GLIS3: variants seen among roughly 807,000 people sequenced by gnomAD.
GLIS3 encodes GLIS family zinc finger 3, also known as zinc finger protein GLIS3.
A neutral mutation model predicts 78.6 loss-of-function variants in GLIS3; 53 were observed. That is an observed-to-expected ratio of 0.67 (90% confidence interval 0.54 to 0.85). The LOEUF is 0.85. Ranked by LOEUF, GLIS3 falls within the 40% of genes least tolerant of loss-of-function variation. The probability of loss-of-function intolerance (pLI) is 0.00; values close to 1 mark genes in which losing one functional copy is unlikely to be tolerated. For missense variants in GLIS3, 1,703 were observed against 1,231.1 expected (o/e 1.38, Z -5.74); for synonymous variants, 684 against 509.9 (o/e 1.34, Z -4.60).
chr9:4,108,274 G>A (rs531664229), intron 4 of GLIS3, among the ~76,000 whole-genome samples: 22 of 152,234 alleles, frequency 1.4e-4, no homozygotes, highest in African/African-American at 5.3e-4. Flanking sequence ...CCAGCACACT[G>A]AATCTTTTCT....
intron 2 of GLIS3, among the ~76,000 whole-genome samples, chr9:4,248,931 G>A (rs552758419): frequency 7.9e-5 from 12 of 151,914 alleles, no homozygotes; most frequent in Non-Finnish European, 1.6e-4. Context: ...TTTAGAAGGG[G>A]TGGTTATAGA....
intron 4 of GLIS3, among the ~76,000 whole-genome samples, chr9:4,095,630 G>C (rs1829876838): frequency 6.6e-6 from 1 of 152,066 alleles, no homozygotes; most frequent in Non-Finnish European, 1.5e-5. Context: ...CTGTCCTCTT[G>C]AACAAGACAA....
At chr9:4,310,047 T>C (rs1817322892) in intron 3 of GLIS3, among the ~76,000 whole-genome samples, 1 of 152,220 alleles carries the variant, frequency 6.6e-6, no homozygotes, top group Admixed American at 6.5e-5. Context: ...GACCAATTTA[T>C]CCTGAGGATG....
At chr9:4,414,224 T>C in the GLIS3 span, among the ~76,000 whole-genome samples, 3 of 152,164 alleles carry the variant, frequency 2.0e-5, no homozygotes, top group African/African-American at 4.8e-5. Flanking sequence ...TTCAGAAAAA[T>C]GTAGCAGGGA....
At chr9:3,853,270 T>G (rs932462426) in intron 9 of GLIS3, among the ~76,000 whole-genome samples, 4 of 152,150 alleles carry the variant, frequency 2.6e-5, no homozygotes, top group Non-Finnish European at 5.9e-5. Context: ...TGACAATACA[T>G]TCATTATTTA....
intron 2 of GLIS3, among the ~76,000 whole-genome samples, chr9:4,198,861 C>T (rs1378196833): frequency 6.6e-6 from 1 of 152,318 alleles, no homozygotes; most frequent in Admixed American, 6.5e-5. Flanking sequence ...TAACAGCAAA[C>T]TTCTCAGCAG....
intron 6 of GLIS3, among the ~76,000 whole-genome samples, chr9:3,905,839 C>A (rs1377237852): frequency 6.6e-6 from 1 of 152,168 alleles, no homozygotes; most frequent in Non-Finnish European, 1.5e-5. Flanking sequence ...CATTCTTCCA[C>A]TGTCATTTTT....
chr9:4,171,997 G>A (rs759336803), intron 2 of GLIS3, among the ~76,000 whole-genome samples: 1 of 151,994 alleles, frequency 6.6e-6, no homozygotes, highest in Non-Finnish European at 1.5e-5. Flanking sequence ...TGGTAGTTTG[G>A]TTTTTTTAAT....
At chr9:4,467,570 C>A in the GLIS3 span, among the ~76,000 whole-genome samples, 1 of 152,164 alleles carries the variant, frequency 6.6e-6, no homozygotes, top group Non-Finnish European at 1.5e-5. Context: ...GCTGAGGGAC[C>A]TGACTGTTAG....
chr9:4,490,434 G>T, the GLIS3 span: 2 of 272,736 alleles, frequency 7.3e-6, no homozygotes, highest in African/African-American at 4.5e-5. Context: ...CGCAGAGCGC[G>T]GCGGCAGCAG....
chr9:4,262,382 T>C (rs1195960995), intron 2 of GLIS3, among the ~76,000 whole-genome samples: 1 of 152,050 alleles, frequency 6.6e-6, no homozygotes, highest in African/African-American at 2.4e-5. Context: ...TTGGGAAGGA[T>C]GCAGGGCAGC....
chr9:4,049,595 G>A (rs138989988), intron 4 of GLIS3, among the ~76,000 whole-genome samples: 16 of 152,092 alleles, frequency 1.1e-4, no homozygotes, highest in African/African-American at 3.1e-4. Context: ...ACACACTTGC[G>A]CACACATAGG....
chr9:4,004,725 G>A (rs1339558576), intron 4 of GLIS3, among the ~76,000 whole-genome samples: 1 of 152,124 alleles, frequency 6.6e-6, no homozygotes, highest in African/African-American at 2.4e-5. Flanking sequence ...TGAAACAGAT[G>A]GAGACTAACA....
the GLIS3 span, among the ~76,000 whole-genome samples, chr9:4,380,567 T>C: frequency 1.3e-5 from 2 of 152,208 alleles, no homozygotes; most frequent in Non-Finnish European, 2.9e-5. Flanking sequence ...TTGTTAACTA[T>C]GCAGATTTCC....
the GLIS3 span, among the ~76,000 whole-genome samples, chr9:4,430,250 A>C: frequency 6.6e-6 from 1 of 152,226 alleles, no homozygotes; most frequent in African/African-American, 2.4e-5. Context: ...TCATTAATGC[A>C]TGAGAATATG....
chr9:4,067,153 CTTCT>C (rs1029190762), intron 4 of GLIS3, among the ~76,000 whole-genome samples: 5 of 128,882 alleles, frequency 3.9e-5, no homozygotes, highest in South Asian at 2.6e-4. Flanking sequence ...GACTTAGAAT[CTTCT>C]TTTATTTTTT....
chr9:4,343,296 T>G (rs1368611005), intron 2 of GLIS3, among the ~76,000 whole-genome samples: 1 of 152,196 alleles, frequency 6.6e-6, no homozygotes, highest in African/African-American at 2.4e-5. Flanking sequence ...AAGCTCTGAT[T>G]GTGCCACTGC....
At chr9:4,408,122 T>C in the GLIS3 span, among the ~76,000 whole-genome samples, 2 of 152,104 alleles carry the variant, frequency 1.3e-5, no homozygotes, top group African/African-American at 2.4e-5. Flanking sequence ...TAACAAATGC[T>C]AGCAAGAATG....
At chr9:4,108,853 C>A (rs1320908434) in intron 4 of GLIS3, among the ~76,000 whole-genome samples, 1 of 152,158 alleles carries the variant, frequency 6.6e-6, no homozygotes, top group Admixed American at 6.5e-5. Context: ...GTCCACTGAC[C>A]TGGGCCTTCA....
Sources: gnomAD v4.1 joint callset for allele counts (sites outside exome capture counted in the v4.1 genomes callset) on GRCh38, gnomAD v4.1.1 for gene constraint, MANE v1.5 for transcripts, NCBI Gene and HGNC (gene_info 2026-07-23, HGNC 2026-07-21) for gene names.